ANKS1B: variants seen among roughly 807,000 people sequenced by gnomAD.
ANKS1B encodes the protein ankyrin repeat and sterile alpha motif domain-containing protein 1B.
A neutral mutation model predicts 148.3 loss-of-function variants in ANKS1B; 36 were observed. That is an observed-to-expected ratio of 0.24 (90% confidence interval 0.19 to 0.32). The LOEUF (loss-of-function observed/expected upper bound fraction) is 0.32, where lower values mean the gene tolerates loss of function less well. Ranked by LOEUF, ANKS1B falls within the 10% of genes least tolerant of loss-of-function variation. ANKS1B has a pLI of 1.00. For missense variants in ANKS1B, 1,157 were observed against 1,542.6 expected, an observed-to-expected ratio of 0.75 and a Z score of 4.19; for synonymous variants, 542 against 560.8, an observed-to-expected ratio of 0.97 and a Z score of 0.47.
At chr12:98,741,235 C>T (rs1056172409), downstream of ANKS1B, among the ~76,000 whole-genome samples, 3 of 152,122 alleles carry the variant, frequency 2.0e-5, no homozygotes, top group Non-Finnish European at 4.4e-5. Flanking sequence ...TCTCTGCCTC[C>T]TCCACCCACT....
intron 25 of ANKS1B, among the ~76,000 whole-genome samples, chr12:98,772,248 G>A (rs1195181677): frequency 6.6e-6 from 1 of 152,196 alleles, no homozygotes; most frequent in African/African-American, 2.4e-5. Context: ...TGCCCTGAAA[G>A]TGGTGATTCA....
chr12:99,315,107 G>C (rs1328201139), intron 12 of ANKS1B, among the ~76,000 whole-genome samples: 1 of 151,896 alleles, frequency 6.6e-6, no homozygotes, highest in Non-Finnish European at 1.5e-5. Context: ...GCTGGGCGTG[G>C]TGGTGCATGC....
intron 23 of ANKS1B, among the ~76,000 whole-genome samples, chr12:98,781,806 T>G (rs572429945): frequency 6.6e-6 from 1 of 152,364 alleles, no homozygotes; most frequent in African/African-American, 2.4e-5. Context: ...AATGATGCTC[T>G]AGAACAATGA....
intron 12 of ANKS1B, among the ~76,000 whole-genome samples, chr12:99,314,815 C>A (rs1157136470): frequency 6.6e-6 from 1 of 152,120 alleles, no homozygotes; most frequent in Non-Finnish European, 1.5e-5. Context: ...CCTAAAAACC[C>A]TAGAAGAAAA....
chr12:99,314,838 C>T (rs192638059), intron 12 of ANKS1B, among the ~76,000 whole-genome samples: 7 of 152,250 alleles, frequency 4.6e-5, no homozygotes, highest in African/African-American at 1.7e-4. Context: ...TAGGCAATAC[C>T]ATTCAGGACA....
At position 99,851,621 on chromosome 12, in the gene ANKS1B, C is replaced by T. The variant is rs1417838446; in HGVS notation, c.135-26232G>A. ...AACTGGAAGGAGTGAAATTTTTTTT[C>T]TAAAGGTGTCACAAAGAAGCAAGTA... On this transcript the variant is annotated intron_variant, in intron 1 of 26. Transcript: ENST00000683438. Among the ~76,000 whole-genome samples, 7 of 151,708 alleles carry T rather than the reference C, an allele frequency of 4.6e-5. No individual in the cohort carries two copies. In the South Asian group the frequency reaches 1.5e-3, roughly 31 times the overall value.
chr12:99,375,862 T>C (rs2093368070), intron 12 of ANKS1B, among the ~76,000 whole-genome samples: 1 of 152,170 alleles, frequency 6.6e-6, no homozygotes, highest in Non-Finnish European at 1.5e-5. Flanking sequence ...AATGTTCTAG[T>C]CCTAGAAAGA....
chr12:98,947,907 T>C (rs1277187478), intron 17 of ANKS1B, among the ~76,000 whole-genome samples: 2 of 152,204 alleles, frequency 1.3e-5, no homozygotes, highest in African/African-American at 4.8e-5. Context: ...ATCATCCTAA[T>C]TGTCTGGTAG....
chr12:99,713,075 G>T (rs2056850363), intron 8 of ANKS1B, among the ~76,000 whole-genome samples: 1 of 152,040 alleles, frequency 6.6e-6, no homozygotes, highest in Non-Finnish European at 1.5e-5. Context: ...AAACTTTGTG[G>T]GTCTCCCACA....
chr12:99,450,362 G>A (rs1035430310), intron 10 of ANKS1B, among the ~76,000 whole-genome samples: 3 of 152,248 alleles, frequency 2.0e-5, no homozygotes, highest in Non-Finnish European at 2.9e-5. Context: ...CCCAAATAAT[G>A]TTTAGCCAAA....
intron 10 of ANKS1B, among the ~76,000 whole-genome samples, chr12:99,477,318 C>T (rs935189527): frequency 6.6e-6 from 1 of 152,122 alleles, no homozygotes; most frequent in East Asian, 1.9e-4. Context: ...ACTGATACAG[C>T]TGTTTTGGAA....
intron 8 of ANKS1B, among the ~76,000 whole-genome samples, chr12:99,754,010 C>T (rs1346242849): frequency 6.6e-6 from 1 of 151,626 alleles, no homozygotes; most frequent in African/African-American, 2.4e-5. Flanking sequence ...GCAACAAGAG[C>T]AAAACTCCAT....
chr12:99,657,376 A>G (rs75412983), intron 8 of ANKS1B, among the ~76,000 whole-genome samples: 5,180 of 152,152 alleles, frequency 0.034, 320 homozygotes, highest in African/African-American at 0.12. Flanking sequence ...ATACTGAAAA[A>G]CCACACTGAT....
chr12:98,935,944 GTTAGT>G (rs2099818213), intron 17 of ANKS1B, among the ~76,000 whole-genome samples: 3 of 152,236 alleles, frequency 2.0e-5, no homozygotes, highest in Non-Finnish European at 4.4e-5. Context: ...GTATAAAAAA[GTTAGT>G]TTAGTCAACA....
At chr12:99,344,878 T>C (rs1160022789) in intron 12 of ANKS1B, 1 of 152,092 alleles carries the variant, frequency 6.6e-6, no homozygotes, top group African/African-American at 2.4e-5. Flanking sequence ...GTCAATTTCA[T>C]ATCCTTATAA....
chr12:99,732,369 C>T (rs1398611172), intron 8 of ANKS1B, among the ~76,000 whole-genome samples: 2 of 152,000 alleles, frequency 1.3e-5, no homozygotes, highest in Non-Finnish European at 2.9e-5. Flanking sequence ...TTAATTACAG[C>T]CAAAATCTGG....
intron 14 of ANKS1B, among the ~76,000 whole-genome samples, chr12:99,196,519 A>G (rs1042212292): frequency 2.6e-5 from 4 of 151,822 alleles, no homozygotes; most frequent in African/African-American, 9.7e-5. Context: ...ACATTACTCC[A>G]TTGCTTTTGC....
chr12:99,864,037 C>T (rs7308939), intron 1 of ANKS1B, among the ~76,000 whole-genome samples: 4,126 of 146,960 alleles, frequency 0.028, 167 homozygotes, highest in African/African-American at 0.092. Context: ...GCCGAGATCA[C>T]GCCAGAGCAC....
intron 14 of ANKS1B, among the ~76,000 whole-genome samples, chr12:99,204,541 G>C (rs970510429): frequency 1.3e-5 from 2 of 152,166 alleles, no homozygotes; most frequent in African/African-American, 4.8e-5. Flanking sequence ...ATGCTTTTTA[G>C]AAAACTATTT....
Sources: gnomAD v4.1 joint callset for allele counts (sites outside exome capture counted in the v4.1 genomes callset) on GRCh38, gnomAD v4.1.1 for gene constraint, MANE v1.5 for transcripts, NCBI Gene and HGNC (gene_info 2026-07-23, HGNC 2026-07-21) for gene names.